Variants in MAML3 observed in about 807,000 individuals in gnomAD.
MAML3 encodes the protein mastermind like transcriptional coactivator 3, also known as mastermind-like protein 3.
MAML3 carries 27 observed loss-of-function variants against 101.9 expected under a neutral mutation model. That is an observed-to-expected ratio of 0.27 (90% confidence interval 0.20 to 0.37). The LOEUF (loss-of-function observed/expected upper bound fraction) is 0.37. MAML3 is among the 10% of genes least tolerant of loss of function. The pLI, the probability that MAML3 is intolerant of heterozygous loss-of-function variation, is 1.00. For synonymous variants in MAML3, 501 were observed against 555.9 expected, an observed-to-expected ratio of 0.90 and a Z score of 1.39; for missense variants, 1,316 against 1,444.9, an observed-to-expected ratio of 0.91 and a Z score of 1.45.
chr4:139,874,027 G>A lies in MAML3; in HGVS notation c.2079+15330C>T, dbSNP rs114038277. Among the ~76,000 whole-genome samples, 248 of 152,218 alleles carry A rather than the reference G, an allele frequency of 1.6e-3. 2 individuals carry two copies. The Middle Eastern group carries it at 0.02, about 13-fold the overall frequency. Reference sequence around the variant, plus strand: ...ATTAAAAGGTCTTTTCATTATTTTGGAATATGTGTTTACCTGCATTTAATA... The same window carrying A: ...ATTAAAAGGTCTTTTCATTATTTTGAAATATGTGTTTACCTGCATTTAATA... On this transcript the variant is annotated intron_variant, in intron 2 of 4. Transcript: ENST00000509479.
chr4:139,981,569 A>T (rs1734445113), intron 1 of MAML3, among the ~76,000 whole-genome samples: 1 of 152,188 alleles, frequency 6.6e-6, no homozygotes, highest in South Asian at 2.1e-4. Context: ...TTGACACATT[A>T]TTATTAACTA....
intron 1 of MAML3, among the ~76,000 whole-genome samples, chr4:140,104,474 ATT>A (rs565204552): frequency 1.4e-3 from 125 of 86,970 alleles, no homozygotes; most frequent in African/African-American, 3.8e-3. Context: ...TATATATATA[ATT>A]TTTTTTTTTT....
At chr4:139,805,892 G>A (rs1046104198) in intron 2 of MAML3, among the ~76,000 whole-genome samples, 13 of 152,082 alleles carry the variant, frequency 8.5e-5, no homozygotes, top group Admixed American at 7.2e-4. Context: ...AGAAATGATA[G>A]TCCAGAAGGA....
intron 2 of MAML3, among the ~76,000 whole-genome samples, chr4:139,780,767 A>C (rs1489369346): frequency 1.3e-5 from 2 of 151,742 alleles, no homozygotes; most frequent in Admixed American, 1.3e-4. Context: ...AGCAGCTGGG[A>C]TTACAAGTGC....
At chr4:140,024,096 C>T (rs1220989536) in intron 1 of MAML3, among the ~76,000 whole-genome samples, 5 of 148,498 alleles carry the variant, frequency 3.4e-5, no homozygotes, top group Non-Finnish European at 7.6e-5. Context: ...TCAATCTTAA[C>T]AACCTTATAA....
intron 1 of MAML3, among the ~76,000 whole-genome samples, chr4:140,151,762 G>C (rs1729175140): frequency 6.6e-6 from 1 of 152,090 alleles, no homozygotes; most frequent in African/African-American, 2.4e-5. Context: ...AAAAGAACCG[G>C]AGAGGGGAGA....
rs113310269 is a variant in MAML3, at chr4:139,788,430, T to C, written c.2080-57763A>G. ...TATCTTAGATACCAAGAGAAAGATA[T>C]GTCACATCCTGTCTCCAGTTCTTTT... On this transcript the variant is annotated intron_variant, in intron 2 of 4. Coordinates refer to ENST00000509479, the MANE Select transcript of MAML3 (RefSeq NM_018717.5). Among the ~76,000 whole-genome samples, 382 of 152,334 alleles carry C rather than the reference T, an allele frequency of 2.5e-3. 1 individual carries two copies. Among genetic ancestry groups the C allele is most frequent in the African/African-American group, 8.6e-3 (358 of 41,572 alleles).
chr4:139,967,064 T>C (rs565657305), intron 1 of MAML3, among the ~76,000 whole-genome samples: 2 of 152,276 alleles, frequency 1.3e-5, no homozygotes, highest in East Asian at 3.9e-4. Context: ...TTAATTATAC[T>C]TAAAGTAAGG....
intron 2 of MAML3, among the ~76,000 whole-genome samples, chr4:139,768,232 G>GTGTGTT (rs1729904537): frequency 6.8e-6 from 1 of 147,940 alleles, no homozygotes. Flanking sequence ...TTGTGTGTGT[G>GTGTGTT]TGTGTGTGTG....
intron 2 of MAML3, among the ~76,000 whole-genome samples, chr4:139,796,036 GTT>G (rs1292909916): frequency 6.6e-6 from 1 of 152,190 alleles, no homozygotes; most frequent in Non-Finnish European, 1.5e-5. Context: ...TGGAAAACTA[GTT>G]TCTCTTGGGC....
intron 2 of MAML3, among the ~76,000 whole-genome samples, chr4:139,750,553 A>T (rs1729469955): frequency 6.6e-6 from 1 of 152,228 alleles, no homozygotes. Context: ...GCTGTATCTG[A>T]ACCATATTAC....
chr4:140,006,810 TA>T (rs1208209392), intron 1 of MAML3, among the ~76,000 whole-genome samples: 6 of 151,964 alleles, frequency 3.9e-5, no homozygotes, highest in African/African-American at 9.7e-5. Flanking sequence ...TAAAAGCTAA[TA>T]AAAAATAATA....
intron 1 of MAML3, among the ~76,000 whole-genome samples, chr4:140,141,546 C>T (rs1247722146): frequency 6.6e-6 from 1 of 152,138 alleles, no homozygotes; most frequent in Admixed American, 6.6e-5. Context: ...CTGTGAAACA[C>T]AAAGCTCAGG....
intron 1 of MAML3, among the ~76,000 whole-genome samples, chr4:140,129,160 A>G (rs1028365721): frequency 3.3e-5 from 5 of 152,222 alleles, no homozygotes; most frequent in Admixed American, 1.3e-4. Context: ...TGAAAACTGA[A>G]AGAGATGATA....
At chr4:140,136,495 T>C (rs1236529707) in intron 1 of MAML3, among the ~76,000 whole-genome samples, 1 of 152,226 alleles carries the variant, frequency 6.6e-6, no homozygotes, top group Non-Finnish European at 1.5e-5. Flanking sequence ...ACATGAATCT[T>C]AACCCTCCCC....
At chr4:140,136,715 A>G (rs529775435) in intron 1 of MAML3, among the ~76,000 whole-genome samples, 6 of 152,244 alleles carry the variant, frequency 3.9e-5, no homozygotes, top group Non-Finnish European at 7.3e-5. Flanking sequence ...TTGGTGCAAA[A>G]TGAGTCACGT....
intron 1 of MAML3, among the ~76,000 whole-genome samples, chr4:140,005,965 T>A (rs751759059): frequency 3.9e-5 from 6 of 152,182 alleles, no homozygotes; most frequent in African/African-American, 1.4e-4. Flanking sequence ...AGACATCTTA[T>A]GGGAAACATA....
intron 1 of MAML3, among the ~76,000 whole-genome samples, chr4:139,971,083 T>C (rs998229480): frequency 2.6e-5 from 4 of 152,214 alleles, no homozygotes; most frequent in Admixed American, 1.3e-4. Flanking sequence ...TTCACATTCT[T>C]TTCATATCCC....
intron 1 of MAML3, among the ~76,000 whole-genome samples, chr4:140,149,098 G>T (rs1454099414): frequency 6.6e-6 from 1 of 152,136 alleles, no homozygotes; most frequent in Non-Finnish European, 1.5e-5. Flanking sequence ...CAGGACCTCA[G>T]TTCCAAATAC....
Sources: gnomAD v4.1 joint callset for allele counts (sites outside exome capture counted in the v4.1 genomes callset) on GRCh38, gnomAD v4.1.1 for gene constraint, MANE v1.5 for transcripts, NCBI Gene and HGNC (gene_info 2026-07-23, HGNC 2026-07-21) for gene names.